The following POC5 variants were observed in gnomAD, a reference collection of about 807,000 sequenced individuals.
POC5 encodes the protein POC5 centriolar protein, also known as centrosomal protein POC5.
A neutral mutation model predicts 62.9 loss-of-function variants in POC5; 48 were observed. The ratio of observed to expected loss-of-function variants is 0.76; its 90% CI spans 0.61 to 0.97. The LOEUF (loss-of-function observed/expected upper bound fraction) is 0.97. Among genes scored for constraint, POC5 ranks in the 50% least tolerant of loss-of-function variants. POC5 has a pLI of 0.00. For missense variants in POC5, 696 were observed against 679.5 expected (o/e 1.02, Z -0.27); for synonymous variants, 236 against 228.2 (o/e 1.03, Z -0.31).
chr5:75,710,546 G>C (rs534574471), intron 2 of POC5, among the ~76,000 whole-genome samples: 173 of 152,264 alleles, frequency 1.1e-3, no homozygotes, highest in African/African-American at 3.9e-3. Flanking sequence ...ACTGTACTGA[G>C]GAAAGGCCAT....
chr5:75,717,167 C>T (rs1421796276), intron 1 of POC5, 139 bp downstream of exon 1: 1 of 152,474 alleles, frequency 6.6e-6, no homozygotes, highest in Non-Finnish European at 1.5e-5. Context: ...TGGGACCTTC[C>T]GGCACAACAG....
At chr5:75,716,484 C>A (rs72768389) in intron 1 of POC5, among the ~76,000 whole-genome samples, 2,108 of 151,666 alleles carry the variant, frequency 0.014, 29 homozygotes, top group Non-Finnish European at 0.022. Context: ...ACAAAAAAAC[C>A]CACCGCACTC....
intron 6 of POC5, among the ~76,000 whole-genome samples, chr5:75,692,701 CAAA>C (rs956921276): frequency 3.3e-5 from 5 of 151,828 alleles, no homozygotes; most frequent in African/African-American, 7.3e-5. Context: ...TGAAAGGGAA[CAAA>C]AGAAGAAGGA....
At chr5:75,677,315 A>G (rs1775705025) in intron 11 of POC5, among the ~76,000 whole-genome samples, 1 of 152,202 alleles carries the variant, frequency 6.6e-6, no homozygotes, top group South Asian at 2.1e-4. Flanking sequence ...CATGCTGACA[A>G]TTGTACTGAA....
At chr5:75,687,974 TAAAC>T (rs1198666259) in intron 9 of POC5, among the ~76,000 whole-genome samples, 1 of 152,168 alleles carries the variant, frequency 6.6e-6, no homozygotes, top group African/African-American at 2.4e-5. Flanking sequence ...ATTACCAAAA[TAAAC>T]TATTCAGCCT....
chr5:75,678,926 C>G (rs1775777247), intron 10 of POC5, among the ~76,000 whole-genome samples: 1 of 152,152 alleles, frequency 6.6e-6, no homozygotes, highest in African/African-American at 2.4e-5. Context: ...CTGTTTAAGT[C>G]TGAGGTGAAA....
chr5:75,684,363 A>ATTTTTTTTTTTTTTTTTTTTTT (rs749361349), intron 10 of POC5, among the ~76,000 whole-genome samples: 4 of 132,710 alleles, frequency 3.0e-5, no homozygotes, highest in Admixed American at 2.3e-4. Flanking sequence ...TTCCTACATA[A>ATTTTTTTTTTTTTTTTTTTTTT]TTTTTTTTTT....
intron 2 of POC5, among the ~76,000 whole-genome samples, chr5:75,709,940 C>G (rs1777274726): frequency 6.6e-6 from 1 of 152,212 alleles, no homozygotes; most frequent in African/African-American, 2.4e-5. Flanking sequence ...TTCCCAGCCT[C>G]CTCTGCAGCT....
At chr5:75,712,540 A>T in intron 2 of POC5, 2 of 1,264,892 alleles carry the variant, frequency 1.6e-6, no homozygotes, top group East Asian at 2.3e-5. Context: ...TGAAAGTAGC[A>T]TTCATGAGAG....
At chr5:75,684,598 G>A (rs1210729085) in intron 10 of POC5, among the ~76,000 whole-genome samples, 1 of 151,804 alleles carries the variant, frequency 6.6e-6, no homozygotes, top group Non-Finnish European at 1.5e-5. Flanking sequence ...TCTGACCTCA[G>A]GTGATCCGCC....
At chr5:75,706,174 G>A (rs1433288532) in intron 3 of POC5, among the ~76,000 whole-genome samples, 1 of 152,178 alleles carries the variant, frequency 6.6e-6, no homozygotes, top group Non-Finnish European at 1.5e-5. Context: ...AAGTGGCACT[G>A]GCTCCCCCAA....
intron 6 of POC5, 85 bp downstream of exon 6, chr5:75,694,570 T>A: frequency 9.1e-7 from 1 of 1,097,240 alleles, no homozygotes; most frequent in South Asian, 2.0e-5. Flanking sequence ...GTATCTTGTA[T>A]GAGGTAAATA....
chr5:75,693,256 CAGA>C (rs1236935413), intron 6 of POC5, among the ~76,000 whole-genome samples: 7 of 151,008 alleles, frequency 4.6e-5, no homozygotes. Flanking sequence ...AAAAAAAATT[CAGA>C]AGGCTTTAAA....
At chr5:75,697,078 A>G (rs576856294) in intron 5 of POC5, among the ~76,000 whole-genome samples, 478 of 152,350 alleles carry the variant, frequency 3.1e-3, no homozygotes, top group Non-Finnish European at 5.5e-3. Context: ...TCTACGTCTC[A>G]TTGGTGTACC....
chr5:75,686,014 C>T (rs1776085043), intron 9 of POC5, among the ~76,000 whole-genome samples: 1 of 152,230 alleles, frequency 6.6e-6, no homozygotes, highest in South Asian at 2.1e-4. Flanking sequence ...ATCAATAAAA[C>T]TAAAATCTTC....
At chr5:75,680,640 G>A (rs758894088) in intron 10 of POC5, among the ~76,000 whole-genome samples, 1 of 151,958 alleles carries the variant, frequency 6.6e-6, no homozygotes, top group Non-Finnish European at 1.5e-5. Context: ...AATGCATAAG[G>A]ACAATTTAGA....
In POC5 at chr5:75,677,664, A is replaced by G. The variant is rs933300524; in HGVS notation, c.1584+110T>C. 3.8e-6 allele frequency: 3 copies of G among 784,662 alleles called. No homozygotes were observed. The Middle Eastern group carries it at 9.6e-4, about 251-fold the overall frequency. 48.6% of individuals were successfully genotyped at this position (784,662 alleles called of 1,614,324 possible). A position where few individuals can be genotyped will look rare whatever the true frequency, so the allele number is the denominator to read the frequency against. ...TGTAACAGGAAAAGGCAGAACAAGT[A>G]CCAGTCATCATAAATTTTTATCTTC... On this transcript the variant is annotated intron_variant, in intron 11 of 11. Transcript: ENST00000428202.
At chr5:75,713,003 A>G (rs1687555917) in intron 1 of POC5, 52 bp from the exon 2 acceptor site, 20 of 1,311,370 alleles carry the variant, frequency 1.5e-5, no homozygotes, top group Non-Finnish European at 2.0e-5. Context: ...TTAAGATAAA[A>G]TCCTTTCCAG....
At chr5:75,701,468 G>A (rs1776877095) in intron 5 of POC5, among the ~76,000 whole-genome samples, 1 of 138,248 alleles carries the variant, frequency 7.2e-6, no homozygotes, top group Admixed American at 7.4e-5. Flanking sequence ...ACTATCGCAA[G>A]AACAAAAAAC....
Sources: gnomAD v4.1 joint callset for allele counts (sites outside exome capture counted in the v4.1 genomes callset) on GRCh38, gnomAD v4.1.1 for gene constraint, MANE v1.5 for transcripts, NCBI Gene and HGNC (gene_info 2026-07-23, HGNC 2026-07-21) for gene names.